The following ST8SIA1 variants were observed in gnomAD, a reference collection of about 807,000 sequenced individuals.
ST8SIA1 encodes the protein alpha-N-acetylneuraminide alpha-2,8-sialyltransferase.
ST8SIA1 carries 16 observed loss-of-function variants against 35.9 expected under a neutral mutation model. That is an observed-to-expected ratio of 0.45 (90% CI 0.30 to 0.68). The LOEUF (loss-of-function observed/expected upper bound fraction) is 0.68, where lower values mean the gene tolerates loss of function less well. Among genes scored for constraint, ST8SIA1 ranks in the 30% least tolerant of loss-of-function variants. ST8SIA1 has a pLI of 0.09. For synonymous variants in ST8SIA1, 170 were observed against 169.6 expected, an observed-to-expected ratio of 1.00 and a Z score of -0.02; for missense variants, 383 against 453.6, an observed-to-expected ratio of 0.84 and a Z score of 1.41.
intron 4 of ST8SIA1, among the ~76,000 whole-genome samples, chr12:22,222,019 C>T (rs917787213): frequency 2.0e-5 from 3 of 152,054 alleles, no homozygotes; most frequent in Admixed American, 6.6e-5. Context: ...ACTTTGGAAT[C>T]TTCTTAATAG....
At chr12:22,304,406 ACTT>A (rs1289322074) in intron 1 of ST8SIA1, among the ~76,000 whole-genome samples, 5 of 78,554 alleles carry the variant, frequency 6.4e-5, no homozygotes, top group Non-Finnish European at 1.0e-4. Context: ...TTCTTCATTT[ACTT>A]CTTCTGTCTC....
intron 2 of ST8SIA1, among the ~76,000 whole-genome samples, chr12:22,260,079 C>A (rs1198939101): frequency 2.0e-5 from 3 of 151,732 alleles, no homozygotes; most frequent in Non-Finnish European, 4.4e-5. Flanking sequence ...CTCTTGCTAA[C>A]CTTAAAAAAA....
rs986403340 is a variant in ST8SIA1, at chr12:22,199,076, A to G, written c.*2476T>C. 2.0e-5 allele frequency: 3 copies of G among 152,174 alleles called. No individual in the cohort carries two copies. Among genetic ancestry groups the G allele is most frequent in the African/African-American group, 7.2e-5 (3 of 41,436 alleles). The allele number at this position is 152,174 out of a possible 1,614,324, so 9.4% of individuals were successfully genotyped here. A position where few individuals can be genotyped will look rare whatever the true frequency, so the allele number is the denominator to read the frequency against. ...CACAAGTTTGTAAACTAAACATTAT[A>G]TATAAATCTACTGCATAAATCTATC... On this transcript the variant is annotated 3_prime_UTR_variant, in exon 5 of 5. Coordinates refer to ENST00000396037, the MANE Select transcript of ST8SIA1 (RefSeq NM_003034.4).
intron 3 of ST8SIA1, among the ~76,000 whole-genome samples, chr12:22,250,271 A>C (rs991887755): frequency 1.3e-5 from 2 of 152,254 alleles, no homozygotes; most frequent in African/African-American, 4.8e-5. Flanking sequence ...TCCATTATAC[A>C]AAATGAGGAT....
chr12:22,220,537 G>A (rs1313652579), intron 4 of ST8SIA1, among the ~76,000 whole-genome samples: 5 of 152,072 alleles, frequency 3.3e-5, no homozygotes, highest in African/African-American at 1.2e-4. Flanking sequence ...ACTCACATGT[G>A]CAAAAGTCTA....
At chr12:22,236,704 T>C (rs1389056351) in intron 4 of ST8SIA1, among the ~76,000 whole-genome samples, 1 of 152,214 alleles carries the variant, frequency 6.6e-6, no homozygotes, top group Non-Finnish European at 1.5e-5. Context: ...ACTTGGGCTA[T>C]TCAAATATTT....
At chr12:22,319,485 G>A (rs1225781773) in intron 1 of ST8SIA1, among the ~76,000 whole-genome samples, 1 of 152,144 alleles carries the variant, frequency 6.6e-6, no homozygotes, top group Non-Finnish European at 1.5e-5. Context: ...CTTCTTAATT[G>A]GTTCTTTCCT....
chr12:22,256,303 G>C (rs1226184368), intron 2 of ST8SIA1, among the ~76,000 whole-genome samples: 1 of 152,170 alleles, frequency 6.6e-6, no homozygotes, highest in Non-Finnish European at 1.5e-5. Flanking sequence ...CAGTGTATCT[G>C]AGTGTTCCCT....
intron 2 of ST8SIA1, among the ~76,000 whole-genome samples, chr12:22,275,909 T>A (rs1277161222): frequency 6.6e-6 from 1 of 152,230 alleles, no homozygotes; most frequent in Non-Finnish European, 1.5e-5. Context: ...CCCATTTGTG[T>A]TCCCCATCCC....
At chr12:22,322,915 G>C (rs1866620578) in intron 1 of ST8SIA1, among the ~76,000 whole-genome samples, 1 of 152,130 alleles carries the variant, frequency 6.6e-6, no homozygotes, top group South Asian at 2.1e-4. Context: ...ATTTTATCCA[G>C]GACACTTTTC....
In ST8SIA1 at chr12:22,291,245, T is replaced by C. The variant is rs530213448; in HGVS notation, c.237-3952A>G. Among the ~76,000 whole-genome samples the C allele has an allele frequency of 3.2e-4, 48 of 152,332 alleles. 1 individual carries two copies. The highest frequency in any genetic ancestry group is 1.2e-3 in the African/African-American group (48 of 41,574). On this transcript the variant is annotated intron_variant, in intron 1 of 4. Transcript: ENST00000396037. ...ATGAAAATCCAACCACTCCATTAAT[T>C]ATGCCTAGGATCAGAGTGAACCTTG... is the stretch of plus-strand genomic sequence containing the variant.
At chr12:22,237,894 C>T (rs879075890) in intron 4 of ST8SIA1, among the ~76,000 whole-genome samples, 2 of 152,052 alleles carry the variant, frequency 1.3e-5, no homozygotes, top group Non-Finnish European at 2.9e-5. Context: ...TTTGGACCCA[C>T]TCTGCTGTAT....
chr12:22,247,969 T>C (rs895155846), intron 4 of ST8SIA1, among the ~76,000 whole-genome samples: 4 of 152,124 alleles, frequency 2.6e-5, no homozygotes, highest in African/African-American at 7.2e-5. Flanking sequence ...AAAATGCAAA[T>C]TAAGTAGAAT....
intron 1 of ST8SIA1, among the ~76,000 whole-genome samples, chr12:22,300,083 T>C (rs1866300229): frequency 6.6e-6 from 1 of 152,184 alleles, no homozygotes; most frequent in Non-Finnish European, 1.5e-5. Context: ...AAAAGAATTA[T>C]TTTTTAATTA....
At chr12:22,303,551 T>G (rs12298017) in intron 1 of ST8SIA1, among the ~76,000 whole-genome samples, 6,063 of 152,252 alleles carry the variant, frequency 0.04, 376 homozygotes, top group African/African-American at 0.14. Flanking sequence ...AAGTTAAGAT[T>G]AACAACCAGC....
At chr12:22,263,071 T>C (rs538286571) in intron 2 of ST8SIA1, among the ~76,000 whole-genome samples, 40 of 152,324 alleles carry the variant, frequency 2.6e-4, no homozygotes, top group African/African-American at 9.4e-4. Context: ...ACCTAAGGCC[T>C]GAACAGATAT....
At chr12:22,219,774 G>A (rs544439335) in intron 4 of ST8SIA1, among the ~76,000 whole-genome samples, 3 of 152,094 alleles carry the variant, frequency 2.0e-5, no homozygotes, top group African/African-American at 7.2e-5. Context: ...CAATGACTAC[G>A]TTAGGAGGCT....
At chr12:22,227,095 A>G (rs1005056314) in intron 4 of ST8SIA1, among the ~76,000 whole-genome samples, 1 of 151,524 alleles carries the variant, frequency 6.6e-6, no homozygotes, top group Admixed American at 6.6e-5. Flanking sequence ...ACAGGCACCC[A>G]CCACCACACC....
intron 4 of ST8SIA1, among the ~76,000 whole-genome samples, chr12:22,218,797 G>A (rs995795602): frequency 2.0e-5 from 3 of 151,452 alleles, no homozygotes. Context: ...TCTAGCCTGG[G>A]CAACAGAGTG....
Sources: gnomAD v4.1 joint callset for allele counts (sites outside exome capture counted in the v4.1 genomes callset) on GRCh38, gnomAD v4.1.1 for gene constraint, MANE v1.5 for transcripts, NCBI Gene and HGNC (gene_info 2026-07-23, HGNC 2026-07-21) for gene names.